The following ADGRG7 variants were observed in gnomAD, a reference collection of about 807,000 sequenced individuals.
ADGRG7 encodes the protein G-protein coupled receptor 128.
Under a neutral mutation model 88.6 loss-of-function variants are expected in ADGRG7, and 82 were observed. The ratio of observed to expected loss-of-function variants is 0.93; its 90% CI spans 0.77 to 1.11. ADGRG7 has a LOEUF of 1.11. Ranked by LOEUF, ADGRG7 falls within the 50% of genes most tolerant of loss-of-function variation. The probability of loss-of-function intolerance (pLI) is 0.00; values close to 1 mark genes in which losing one functional copy is unlikely to be tolerated. For synonymous variants in ADGRG7, 381 were observed against 345.2 expected (o/e 1.10, Z -1.15); for missense variants, 945 against 953.4 (o/e 0.99, Z 0.12).
At chr3:100,613,541 A>T (rs1707185504) in intron 1 of ADGRG7, among the ~76,000 whole-genome samples, 1 of 149,062 alleles carries the variant, frequency 6.7e-6, no homozygotes, top group East Asian at 2.0e-4. Flanking sequence ...CCTAAATTAA[A>T]AAAAAAAAAA....
intron 1 of ADGRG7, among the ~76,000 whole-genome samples, chr3:100,615,092 G>T (rs1015418407): frequency 6.6e-6 from 1 of 152,220 alleles, no homozygotes; most frequent in Non-Finnish European, 1.5e-5. Flanking sequence ...GGCAGGCACT[G>T]TGAGGAAGGA....
At chr3:100,662,323 T>C (rs1489241603) in intron 14 of ADGRG7, among the ~76,000 whole-genome samples, 1 of 152,134 alleles carries the variant, frequency 6.6e-6, no homozygotes, top group African/African-American at 2.4e-5. Context: ...GCCACACAGA[T>C]TATTTAGTAA....
intron 1 of ADGRG7, among the ~76,000 whole-genome samples, chr3:100,621,960 C>T (rs1216577916): frequency 1.3e-5 from 2 of 152,176 alleles, no homozygotes; most frequent in East Asian, 3.9e-4. Context: ...CACTTCAGAT[C>T]ATTGGGTATT....
In ADGRG7 at chr3:100,646,581, G is replaced by T; in HGVS notation, c.1123G>T (p.Glu375Ter). The T allele has an allele frequency of 6.2e-7, 1 of 1,612,880 alleles. No homozygotes were observed. Among genetic ancestry groups the T allele is most frequent in the South Asian group, 1.1e-5 (1 of 90,826 alleles). Residue 375 changes from glutamate to a stop codon, truncating the protein, a stop_gained, in exon 10 of 16, where the codon GAA becomes TAA. Transcript: ENST00000273352. LOFTEE classifies it high-confidence loss of function. ...MVFSPKYNQK[E>*]FQLYSYACVY... ...TATCAATTCATAGTACAACCAAAAA[G>T]AATTTCAACTCTATTCCTATGCCTG...
intron 14 of ADGRG7, among the ~76,000 whole-genome samples, chr3:100,662,235 G>A (rs960187096): frequency 6.6e-6 from 1 of 152,032 alleles, no homozygotes; most frequent in African/African-American, 2.4e-5. Context: ...AGTGTCAGAC[G>A]AGGATACAGT....
chr3:100,641,941 T>C (rs1707647686), intron 6 of ADGRG7, among the ~76,000 whole-genome samples: 1 of 152,230 alleles, frequency 6.6e-6, no homozygotes, highest in South Asian at 2.1e-4. Flanking sequence ...TTTAGTCAAT[T>C]GTGCCAGGTG....
At chr3:100,659,546 C>T in intron 13 of ADGRG7, 142 bp from the exon 14 acceptor site, 1 of 582,966 alleles carries the variant, frequency 1.7e-6, no homozygotes, top group Non-Finnish European at 2.8e-6. Context: ...AGTCATAAGT[C>T]ATCTCAAATG....
intron 4 of ADGRG7, among the ~76,000 whole-genome samples, chr3:100,635,272 A>G (rs1277506574): frequency 2.0e-5 from 3 of 152,242 alleles, no homozygotes; most frequent in Admixed American, 2.0e-4. Context: ...AAAAATATGT[A>G]TAAAATACAA....
intron 8 of ADGRG7, among the ~76,000 whole-genome samples, chr3:100,644,551 AAGAG>A (rs1351098066): frequency 1.3e-5 from 2 of 152,176 alleles, no homozygotes; most frequent in African/African-American, 4.8e-5. Context: ...CTCTTTAAAA[AAGAG>A]AGAGACAATA....
intron 1 of ADGRG7, among the ~76,000 whole-genome samples, chr3:100,616,781 T>A (rs1326012227): frequency 1.3e-5 from 2 of 152,134 alleles, no homozygotes; most frequent in African/African-American, 4.8e-5. Context: ...TGATTACACC[T>A]CTGCACTCCA....
chr3:100,638,694 C>G (rs1039146105), intron 6 of ADGRG7, among the ~76,000 whole-genome samples: 1 of 152,150 alleles, frequency 6.6e-6, no homozygotes, highest in Admixed American at 6.5e-5. Context: ...TGCCTCCTCC[C>G]TTTCTGACCA....
At position 100,609,985 on chromosome 3, in the gene ADGRG7, G is replaced by T; in HGVS notation, c.115+14G>T. ...GGATCCAAAGAGGTAATGTTGTCCTGCTATGTTTAACTCAGAGTAAGAGAA... is the reference window on the plus strand; with the variant it reads ...GGATCCAAAGAGGTAATGTTGTCCTTCTATGTTTAACTCAGAGTAAGAGAA... On this transcript the variant is annotated intron_variant, in intron 1 of 15. Coordinates refer to ENST00000273352, the MANE Select transcript of ADGRG7 (RefSeq NM_032787.3). 1 of 1,595,572 alleles carries T rather than the reference G, an allele frequency of 6.3e-7. No individual in the cohort carries two copies. The highest frequency in any genetic ancestry group is 8.6e-7 in the Non-Finnish European group (1 of 1,163,856).
intron 15 of ADGRG7, among the ~76,000 whole-genome samples, chr3:100,670,490 T>C (rs142222585): frequency 6.6e-6 from 1 of 152,342 alleles, no homozygotes; most frequent in East Asian, 1.9e-4. Flanking sequence ...AGATATTTCT[T>C]TGATATACTG....
At chr3:100,687,442 C>A (rs936569210) in intron 15 of ADGRG7, among the ~76,000 whole-genome samples, 3 of 152,130 alleles carry the variant, frequency 2.0e-5, no homozygotes, top group African/African-American at 7.2e-5. Context: ...AGAGGGCATC[C>A]CTGTCTTGTG....
At position 100,629,643 on chromosome 3, in the gene ADGRG7, A is replaced by G; in HGVS notation, c.161A>G (p.Asn54Ser). Residue 54 changes from asparagine to serine, a missense_variant, in exon 2 of 16, where the codon AAT becomes AGT. Transcript: ENST00000273352. ...AGCACCCCTACAGAGTTCTGCAGGA[A>G]TGGTGGAACCTGGGAAAATGGCAGA... is the stretch of plus-strand genomic sequence containing the variant. The part of the protein sequence containing the change: ...SSSTPTEFCR[N>S]GGTWENGRCI... 1 of 1,613,450 alleles carries G rather than the reference A, an allele frequency of 6.2e-7. No individual in the cohort carries two copies. Among genetic ancestry groups the G allele is most frequent in the African/African-American group, 1.3e-5 (1 of 75,016 alleles).
In ADGRG7 at chr3:100,690,162, G is replaced by A. The variant is rs535683111; in HGVS notation, c.2137-4582G>A. On this transcript the variant is annotated intron_variant, in intron 15 of 15. Coordinates refer to ENST00000273352, the MANE Select transcript of ADGRG7 (RefSeq NM_032787.3). The stretch of plus-strand genomic sequence containing the variant: ...CTGATACCCTTTCTTCCAGTTGATC[G>A]CATCAGCTACTGAGGCTTGTGCATT... Among the ~76,000 whole-genome samples, 125 of 152,174 alleles carry A rather than the reference G, an allele frequency of 8.2e-4. 4 individuals are homozygous for A. The highest frequency in any genetic ancestry group is 3.4e-3 in the Middle Eastern group (1 of 294).
intron 15 of ADGRG7, among the ~76,000 whole-genome samples, chr3:100,677,493 A>G (rs2094967048): frequency 6.6e-6 from 1 of 152,212 alleles, no homozygotes; most frequent in Admixed American, 6.5e-5. Context: ...GTATAATGTT[A>G]GAGTATTCTA....
At position 100,659,978 on chromosome 3, in the gene ADGRG7, T is replaced by A; in HGVS notation, c.1979+135T>A. ...GGCTACGTGGTTTACAGGAGAGATT[T>A]TTCTCTTACACTTTGACTCAGAAGG... On this transcript the variant is annotated intron_variant, in intron 14 of 15. Coordinates refer to ENST00000273352, the MANE Select transcript of ADGRG7 (RefSeq NM_032787.3). 4 of 754,148 alleles carry A rather than the reference T, an allele frequency of 5.3e-6. No homozygotes were observed. In the South Asian group the frequency reaches 6.0e-5, roughly 11 times the overall value. 46.7% of individuals were successfully genotyped at this position (754,148 alleles called of 1,614,324 possible).
At chr3:100,682,088 G>C (rs1022577373) in intron 15 of ADGRG7, among the ~76,000 whole-genome samples, 1 of 152,160 alleles carries the variant, frequency 6.6e-6, no homozygotes, top group Admixed American at 6.5e-5. Flanking sequence ...GGGTACAGGC[G>C]CAGGCTGTGG....
Sources: gnomAD v4.1 joint callset for allele counts (sites outside exome capture counted in the v4.1 genomes callset) on GRCh38, gnomAD v4.1.1 for gene constraint, MANE v1.5 for transcripts, NCBI Gene and HGNC (gene_info 2026-07-23, HGNC 2026-07-21) for gene names.